Variants in PTAR1 observed in about 807,000 individuals in gnomAD.
PTAR1 encodes protein prenyltransferase alpha subunit repeat-containing protein 1.
Under a neutral mutation model 45.5 loss-of-function variants are expected in PTAR1, and 17 were observed. The observed-to-expected ratio is 0.37, with a 90% confidence interval of 0.26 to 0.56. The LOEUF (loss-of-function observed/expected upper bound fraction) is 0.56, where lower values mean the gene tolerates loss of function less well. Among genes scored for constraint, PTAR1 ranks in the 20% least tolerant of loss-of-function variants. The pLI is 0.77. For synonymous variants in PTAR1, 169 were observed against 171.3 expected (o/e 0.99, Z 0.11); for missense variants, 391 against 476.3 (o/e 0.82, Z 1.67).
Position 69,759,858 on chromosome 9 carries a change from TGG to T in PTAR1, c.79_80del (p.Pro27ThrfsTer4). 6.6e-7 allele frequency: 1 copy of T among 1,525,554 alleles called. No individual in the cohort carries two copies. The highest frequency in any genetic ancestry group is 8.8e-7 in the Non-Finnish European group (1 of 1,135,730). The allele number at this position is 1,525,554 out of a possible 1,614,324, so 94.5% of individuals were successfully genotyped here. ...GGCGGAGGCGCGCGACTCACATGTG[TGG>T]GTTCCTCCTGAAGGCGTTAGTGATG... ...KDITNAFRRN[P>X]HIDEIGLIPC... On this transcript the variant is annotated frameshift_variant, in exon 1 of 8. Transcript: ENST00000340434. LOFTEE classifies it high-confidence loss of function.
At chr9:69,724,650 A>AC (rs752568689) in intron 5 of PTAR1, among the ~76,000 whole-genome samples, 1 of 151,394 alleles carries the variant, frequency 6.6e-6, no homozygotes, top group Non-Finnish European at 1.5e-5. Flanking sequence ...CTTTTGCTGA[A>AC]CCCCCATAGT....
chr9:69,730,521 T>A (rs1825485988), intron 5 of PTAR1, among the ~76,000 whole-genome samples: 1 of 150,928 alleles, frequency 6.6e-6, no homozygotes, highest in African/African-American at 2.4e-5. Flanking sequence ...GGATCTGAGA[T>A]GACCACCAAG....
intron 1 of PTAR1, chr9:69,758,722 C>A: frequency 2.5e-6 from 1 of 398,300 alleles, no homozygotes; most frequent in South Asian, 1.8e-5. Flanking sequence ...GAAAAGAACA[C>A]TTTGGTAAGA....
At chr9:69,759,388 T>A (rs10118222) in intron 1 of PTAR1, among the ~76,000 whole-genome samples, 133,388 of 152,114 alleles carry the variant, frequency 0.88, 59,403 homozygotes, top group Middle Eastern at 0.96. Flanking sequence ...CCACCTTTAG[T>A]TAGTAAACTG....
Position 69,714,031 on chromosome 9 carries a change from A to AT in PTAR1, c.*4310dup, listed in dbSNP as rs1050506653. ...TCGAATTAACACAGTCTCTACAGTT[A>AT]TTTTTTAAAAGACACTATGTGACAA... On this transcript the variant is annotated 3_prime_UTR_variant, in exon 8 of 8. Coordinates refer to ENST00000340434, the MANE Select transcript of PTAR1 (RefSeq NM_001099666.2). 1.3e-5 allele frequency: 2 copies of AT among 152,048 alleles called. No homozygotes were observed. Among genetic ancestry groups the AT allele is most frequent in the African/African-American group, 4.8e-5 (2 of 41,418 alleles). 9.4% of individuals were successfully genotyped at this position (152,048 alleles called of 1,614,324 possible).
At chr9:69,742,524 G>A (rs1826086839) in intron 2 of PTAR1, among the ~76,000 whole-genome samples, 2 of 151,960 alleles carry the variant, frequency 1.3e-5, no homozygotes, top group Admixed American at 1.3e-4. Context: ...CGTTATAGGT[G>A]ATACTACTAT....
rs547176807 is a variant in PTAR1, at chr9:69,731,547, T to G, written c.642+592A>C. ...CTCCTCATTTCTAAACTGAAAGGAT[T>G]AGGCTGTGAGAGTTTCCAAACTGGC... On this transcript the variant is annotated intron_variant, in intron 5 of 7. Coordinates refer to ENST00000340434, the MANE Select transcript of PTAR1 (RefSeq NM_001099666.2). Among the ~76,000 whole-genome samples the G allele has an allele frequency of 9.2e-5, 14 of 152,310 alleles. 1 individual carries two copies. The South Asian group carries it at 2.9e-3, about 32-fold the overall frequency.
rs1192998093 is a variant in PTAR1, at chr9:69,713,009, C to T, written c.*5333G>A. On this transcript the variant is annotated 3_prime_UTR_variant, in exon 8 of 8. Transcript: ENST00000340434. ...AGCATATTTTTGCCTTTTCTTTTTG[C>T]CACTGAATATAAAATTTGTCCTGAA... is the stretch of plus-strand genomic sequence containing the variant. The T allele has an allele frequency of 6.6e-6, 1 of 152,034 alleles. No homozygotes were observed. The highest frequency in any genetic ancestry group is 1.9e-4 in the East Asian group (1 of 5,196). The allele number at this position is 152,034 out of a possible 1,614,324, so 9.4% of individuals were successfully genotyped here. A position where few individuals can be genotyped will look rare whatever the true frequency, so the allele number is the denominator to read the frequency against.
chr9:69,743,514 T>C (rs1588473944), intron 2 of PTAR1, among the ~76,000 whole-genome samples: 2 of 152,194 alleles, frequency 1.3e-5, no homozygotes, highest in Non-Finnish European at 2.9e-5. Flanking sequence ...AGTGAGCATA[T>C]TGGAATATTC....
At chr9:69,755,417 TTC>T (rs1226653704) in intron 1 of PTAR1, among the ~76,000 whole-genome samples, 2 of 152,158 alleles carry the variant, frequency 1.3e-5, no homozygotes, top group East Asian at 3.9e-4. Flanking sequence ...TTTAGACAGC[TTC>T]TCTGTCTATA....
At chr9:69,743,286 C>A (rs1264367729) in intron 2 of PTAR1, among the ~76,000 whole-genome samples, 1 of 152,092 alleles carries the variant, frequency 6.6e-6, no homozygotes, top group African/African-American at 2.4e-5. Context: ...AAAATTGTTT[C>A]CAACAAGTCA....
At chr9:69,756,396 A>C (rs7037769) in intron 1 of PTAR1, among the ~76,000 whole-genome samples, 136,288 of 152,194 alleles carry the variant, frequency 0.9, 61,539 homozygotes, top group Middle Eastern at 0.96. Context: ...ATGTTGACTG[A>C]TTAAAGTTCC....
chr9:69,732,384 A>C (rs1350614409), intron 4 of PTAR1, 32 bp from the exon 5 acceptor site: 7 of 1,457,622 alleles, frequency 4.8e-6, no homozygotes, highest in African/African-American at 1.4e-5. Flanking sequence ...AAGAGAACAC[A>C]GAAAGAACAT....
intron 6 of PTAR1, among the ~76,000 whole-genome samples, 155 bp downstream of exon 6, chr9:69,723,171 G>GT (rs1825108651): frequency 6.6e-6 from 1 of 151,924 alleles, no homozygotes; most frequent in South Asian, 2.1e-4. Flanking sequence ...CGATGATATG[G>GT]TAACACAAAA....
intron 5 of PTAR1, among the ~76,000 whole-genome samples, chr9:69,731,433 A>G (rs1041066497): frequency 6.6e-5 from 10 of 152,198 alleles, no homozygotes; most frequent in Admixed American, 6.6e-4. Flanking sequence ...ATAAGGAGCA[A>G]AAGGGACATG....
At chr9:69,721,688 C>A (rs1374680117) in intron 6 of PTAR1, among the ~76,000 whole-genome samples, 1 of 152,132 alleles carries the variant, frequency 6.6e-6, no homozygotes, top group Non-Finnish European at 1.5e-5. Flanking sequence ...GCAACCACCA[C>A]TCTGATCAAT....
chr9:69,754,555 T>TTTTTTTTTTTTTG (rs1826679065), intron 1 of PTAR1, among the ~76,000 whole-genome samples: 1 of 108,234 alleles, frequency 9.2e-6, no homozygotes, highest in African/African-American at 3.5e-5. Flanking sequence ...TTTTTTTTTT[T>TTTTTTTTTTTTTG]CCTGAGACAG....
chr9:69,729,794 C>T (rs1477811038), intron 5 of PTAR1, among the ~76,000 whole-genome samples: 1 of 152,120 alleles, frequency 6.6e-6, no homozygotes, highest in African/African-American at 2.4e-5. Context: ...ACTTCATCTT[C>T]CATTATTTCT....
intron 5 of PTAR1, among the ~76,000 whole-genome samples, chr9:69,728,649 T>C (rs1825394399): frequency 1.3e-5 from 2 of 152,332 alleles, no homozygotes; most frequent in South Asian, 4.1e-4. Context: ...TATGTGCTTT[T>C]TTTATGTGAA....
Sources: allele counts gnomAD v4.1 joint callset (sites outside exome capture counted in the v4.1 genomes callset), GRCh38; gene constraint gnomAD v4.1.1; transcripts MANE v1.5; gene names NCBI Gene and HGNC (gene_info 2026-07-23, HGNC 2026-07-21).